KIF14: variants seen among roughly 807,000 people sequenced by gnomAD.
The protein encoded by KIF14 is kinesin-like protein KIF14.
In KIF14, 98 loss-of-function variants were observed where a neutral mutation model predicts 176.2. The observed-to-expected ratio is 0.56, with a 90% CI of 0.47 to 0.66. The LOEUF (loss-of-function observed/expected upper bound fraction) is 0.66, where lower values mean the gene tolerates loss of function less well. KIF14 is among the 30% of genes least tolerant of loss of function. The probability of loss-of-function intolerance (pLI) is 0.00; values close to 1 mark genes in which losing one functional copy is unlikely to be tolerated. For missense variants in KIF14, 1,751 were observed against 1,920.4 expected (o/e 0.91, Z 1.65); for synonymous variants, 566 against 632.2 (o/e 0.90, Z 1.57).
chr1:200,560,822 A>G lies in KIF14; in HGVS notation c.4130T>C (p.Ile1377Thr), dbSNP rs199503476. Residue 1377 changes from isoleucine to threonine, a missense_variant, in exon 26 of 30, where the codon ATT becomes ACT. By Grantham distance (89) the Ile-to-Thr change is moderately conservative. Coordinates refer to ENST00000367350, the MANE Select transcript of KIF14 (RefSeq NM_014875.3). Reference protein sequence around the residue: ...IKEAQKNAIQIVQQAVKYVGQ... With the variant: ...IKEAQKNAIQTVQQAVKYVGQ... ...CACATACTTTACAGCTTGTTGTACAATTTGGATTGCATTCTTTTGAGCCTC... is the reference window on the plus strand; with the variant it reads ...CACATACTTTACAGCTTGTTGTACAGTTTGGATTGCATTCTTTTGAGCCTC... 6 of 1,614,086 alleles carry G rather than the reference A, an allele frequency of 3.7e-6. No homozygotes were observed. In the East Asian group the frequency reaches 1.1e-4, roughly 30 times the overall value.
intron 8 of KIF14, 96 bp from the exon 9 acceptor site, chr1:200,604,051 C>T: frequency 6.9e-6 from 5 of 729,538 alleles, no homozygotes; most frequent in Non-Finnish European, 4.7e-6. Context: ...ACACATCACT[C>T]TTTTATTTTT....
chr1:200,585,450 G>T (rs1011830066), intron 19 of KIF14, among the ~76,000 whole-genome samples: 11 of 152,000 alleles, frequency 7.2e-5, no homozygotes, highest in Admixed American at 6.6e-4. Context: ...CCATGACTAA[G>T]CACAACTATT....
chr1:200,589,655 C>T (rs927926631), intron 17 of KIF14, among the ~76,000 whole-genome samples: 1 of 147,134 alleles, frequency 6.8e-6, no homozygotes, highest in African/African-American at 2.5e-5. Flanking sequence ...TGTCTATTAT[C>T]GCCACCAACT....
chr1:200,579,026 G>C (rs908543373), intron 21 of KIF14, among the ~76,000 whole-genome samples: 3 of 152,150 alleles, frequency 2.0e-5, no homozygotes, highest in African/African-American at 7.2e-5. Context: ...AGGAGGTGGA[G>C]TTGCAGTGAG....
In KIF14 at chr1:200,603,271, T is replaced by C; in HGVS notation, c.1934A>G (p.Asn645Ser). The stretch of plus-strand genomic sequence containing the variant: ...ATAAGGAATAAAAACACTCCTTTGG[T>C]TTGCTTGTTCCGAAAGTGCAGATAT... ...KVISALSEQA[N>S]QRSVFIPYRE... is the part of the protein sequence containing the mutation. Residue 645 changes from asparagine to serine, a missense_variant, in exon 10 of 30, where the codon AAC (asparagine) becomes AGC (serine). By Grantham distance (46) the Asn-to-Ser change is conservative (BLOSUM62 1). Coordinates refer to ENST00000367350, the MANE Select transcript of KIF14 (RefSeq NM_014875.3). 6.2e-7 allele frequency: 1 copy of C among 1,609,880 alleles called. No homozygotes were observed. Among genetic ancestry groups the C allele is most frequent in the African/African-American group, 1.3e-5 (1 of 74,984 alleles).
chr1:200,618,612 G>GA lies in KIF14; in HGVS notation c.111_112insT (p.Leu38SerfsTer11), dbSNP rs776480179. The GA allele has an allele frequency of 6.8e-6, 11 of 1,613,990 alleles. No homozygotes were observed. In the African/African-American group the frequency reaches 1.3e-4, roughly 20 times the overall value. On this transcript the variant is annotated frameshift_variant, in exon 2 of 30. Transcript: ENST00000367350. LOFTEE classifies it high-confidence loss of function. Reference sequence around the variant, plus strand: ...TCTGACATATCCGACTTCAAATGCAGCTTAAGTCGGCTACTGTGGGTGAGG... The same window carrying GA: ...TCTGACATATCCGACTTCAAATGCAGACTTAAGTCGGCTACTGTGGGTGAGG...
At chr1:200,602,169 T>G in intron 10 of KIF14, 101 bp from the exon 11 acceptor site, 1 of 875,672 alleles carries the variant, frequency 1.1e-6, no homozygotes, top group South Asian at 1.8e-5. Context: ...TAATACAGTA[T>G]TATTATACTC....
At position 200,565,595 on chromosome 1, in the gene KIF14, T is replaced by A. The variant is rs1017208826; in HGVS notation, c.3736A>T (p.Ile1246Phe). The A allele has an allele frequency of 3.7e-6, 6 of 1,612,140 alleles. No homozygotes were observed. The highest frequency in any genetic ancestry group is 5.1e-6 in the Non-Finnish European group (6 of 1,179,750). ...SFLPGICKEL[I>F]GSSLDFFGQS... The stretch of plus-strand genomic sequence containing the variant: ...CCAAAAAAATCTAACGAAGAACCAA[T>A]CAATTCTTTGCAAATTCCAGGAAGA... The change falls in exon 24 of 30, where the codon ATT becomes TTT. Residue 1246 changes from isoleucine to phenylalanine, a missense_variant. Ile to Phe is a conservative substitution (Grantham distance 21, BLOSUM62 0). Coordinates refer to ENST00000367350, the MANE Select transcript of KIF14 (RefSeq NM_014875.3).
intron 25 of KIF14, among the ~76,000 whole-genome samples, chr1:200,563,759 T>C (rs1025687130): frequency 6.6e-6 from 1 of 152,192 alleles, no homozygotes; most frequent in African/African-American, 2.4e-5. Context: ...TTTGTTAATA[T>C]GGTAGATGAC....
chr1:200,597,962 T>C (rs1287601682), intron 14 of KIF14, among the ~76,000 whole-genome samples: 2 of 152,122 alleles, frequency 1.3e-5, no homozygotes, highest in African/African-American at 4.8e-5. Context: ...TGCATGTGCA[T>C]CATTATAATT....
rs778831568 is a variant in KIF14 at position 200,565,058 on chromosome 1, A to T, written c.4071+11T>A. 3.8e-6 allele frequency: 6 copies of T among 1,598,148 alleles called. No individual in the cohort carries two copies. Among genetic ancestry groups the T allele is most frequent in the Non-Finnish European group, 2.6e-6 (3 of 1,168,506 alleles). ...TGAATCCTTCAAATGATAATAAGCA[A>T]ATCAATTTACCTGCAAAAATAACTG... On this transcript the variant is annotated intron_variant, in intron 25 of 29. Transcript: ENST00000367350.
At position 200,617,850 on chromosome 1, in the gene KIF14, T is replaced by C; in HGVS notation, c.874A>G (p.Ser292Gly). The C allele has an allele frequency of 6.2e-7, 1 of 1,614,234 alleles. No homozygotes were observed. The highest frequency in any genetic ancestry group is 1.3e-5 in the African/African-American group (1 of 75,066). ...GCTGGGCTCTTAAGCTGAGGCAGGC[T>C]GCACTTTGTTGTCAGTTTGTGTTCT... The part of the protein sequence containing the change: ...TTEHKLTTKC[S>G]LPQLKSPAPS... Residue 292 changes from serine to glycine, a missense_variant, in exon 2 of 30, where the codon AGC becomes GGC. Ser to Gly is a moderately conservative substitution (Grantham distance 56). Coordinates refer to ENST00000367350, the MANE Select transcript of KIF14 (RefSeq NM_014875.3).
chr1:200,593,558 T>C, intron 15 of KIF14, 109 bp downstream of exon 15: 1 of 754,336 alleles, frequency 1.3e-6, no homozygotes. Flanking sequence ...GAAAAAGTCC[T>C]TAATCTGCTT....
intron 14 of KIF14, among the ~76,000 whole-genome samples, chr1:200,597,556 A>T (rs1156399433): frequency 6.6e-6 from 1 of 152,222 alleles, no homozygotes; most frequent in Admixed American, 6.5e-5. Context: ...TGACAGTACT[A>T]AGTATTGGCA....
chr1:200,564,568 T>C (rs1657341123), intron 25 of KIF14, among the ~76,000 whole-genome samples: 1 of 152,196 alleles, frequency 6.6e-6, no homozygotes, highest in African/African-American at 2.4e-5. Context: ...CTTGTCTCTA[T>C]GTCAGCAGAA....
At chr1:200,572,017 A>G (rs973518965) in intron 22 of KIF14, among the ~76,000 whole-genome samples, 2 of 152,242 alleles carry the variant, frequency 1.3e-5, no homozygotes, top group Admixed American at 6.5e-5. Context: ...ATTGCCCAGT[A>G]GAAGTTCTAT....
Position 200,553,451 on chromosome 1 carries a change from G to A in KIF14, c.4884C>T (p.Leu1628=), listed in dbSNP as rs369355818. Reference sequence around the variant, plus strand: ...AGCTCACTGCTGGGGATGAGCCATGGAGCTCATAGACACGCTTTGGTACAC... The same window carrying A: ...AGCTCACTGCTGGGGATGAGCCATGAAGCTCATAGACACGCTTTGGTACAC... ...NKGVPKRVYE[L]HGSSPAVSSE... Residue 1628 remains leucine (L), a synonymous_variant, in exon 30 of 30, where the codon CTC becomes CTT. Transcript: ENST00000367350. 104 of 1,613,950 alleles carry A rather than the reference G, an allele frequency of 6.4e-5. No individual in the cohort carries two copies. The African/African-American group carries it at 1.3e-3, about 20-fold the overall frequency.
In KIF14 at chr1:200,553,557, G is replaced by C; in HGVS notation, c.4778C>G (p.Pro1593Arg). The C allele has an allele frequency of 6.2e-7, 1 of 1,613,884 alleles. No homozygotes were observed. Among genetic ancestry groups the C allele is most frequent in the Non-Finnish European group, 8.5e-7 (1 of 1,179,986 alleles). The stretch of plus-strand genomic sequence containing the variant: ...GGTATTTTGATTATAAGTTTCCCAG[G>C]GTTTCAACAAATCAGGGCTTTCTTC... ...ESEESPDLLK[P>R]WETYNQNTKE... The change falls in exon 30 of 30, where the codon CCC becomes CGC. Residue 1593 changes from proline (P) to arginine (R), a missense_variant. Physicochemically the swap from Pro to Arg is moderately radical, Grantham distance 103. Coordinates refer to ENST00000367350, the MANE Select transcript of KIF14 (RefSeq NM_014875.3).
chr1:200,551,725 G>T lies in KIF14; in HGVS notation c.*1663C>A, dbSNP rs1656543276. On this transcript the variant is annotated 3_prime_UTR_variant, in exon 30 of 30. Coordinates refer to ENST00000367350, the MANE Select transcript of KIF14 (RefSeq NM_014875.3). Reference sequence around the variant, plus strand: ...CTGAAGATTAAATACTGAATATTAAGATGAAAACTACTATACAGGTACTTT... The same window carrying T: ...CTGAAGATTAAATACTGAATATTAATATGAAAACTACTATACAGGTACTTT... The T allele has an allele frequency of 6.6e-6, 1 of 152,134 alleles. No homozygotes were observed. The highest frequency in any genetic ancestry group is 1.5e-5 in the Non-Finnish European group (1 of 68,012). The allele number at this position is 152,134 out of a possible 1,614,324, so 9.4% of individuals were successfully genotyped here.
Sources: gnomAD v4.1 joint callset for allele counts (sites outside exome capture counted in the v4.1 genomes callset) on GRCh38, gnomAD v4.1.1 for gene constraint, MANE v1.5 for transcripts, NCBI Gene and HGNC (gene_info 2026-07-23, HGNC 2026-07-21) for gene names.